CLEC16A: variants seen among roughly 807,000 people sequenced by gnomAD.
CLEC16A encodes C-type lectin domain containing 16A.
In CLEC16A, 51 loss-of-function variants were observed where a neutral mutation model predicts 109.5. The observed-to-expected ratio is 0.47, with a 90% CI of 0.37 to 0.59. CLEC16A has a LOEUF of 0.59. CLEC16A is among the 20% of genes least tolerant of loss of function. The pLI, the probability that CLEC16A is intolerant of heterozygous loss-of-function variation, is 0.00. For synonymous variants in CLEC16A, 673 were observed against 564.2 expected, an observed-to-expected ratio of 1.19 and a Z score of -2.73; for missense variants, 1,339 against 1,394.0, an observed-to-expected ratio of 0.96 and a Z score of 0.63.
chr16:11,181,048 G>C lies in CLEC16A; in HGVS notation c.*2358G>C, dbSNP rs1344337714. The C allele has an allele frequency of 6.6e-6, 1 of 152,420 alleles. No individual in the cohort carries two copies. The highest frequency in any genetic ancestry group is 2.4e-5 in the African/African-American group (1 of 41,464). 9.4% of individuals were successfully genotyped at this position (152,420 alleles called of 1,614,324 possible). On this transcript the variant is annotated 3_prime_UTR_variant, in exon 24 of 24. Coordinates refer to ENST00000409790, the MANE Select transcript of CLEC16A (RefSeq NM_015226.3). The stretch of plus-strand genomic sequence containing the variant: ...CTGGGGCTGGCAACTTGCGTCTGGG[G>C]GACACCTCCAGGTGTGTGGGGTGAG...
At chr16:11,044,111 T>C in intron 16 of CLEC16A, 39 bp downstream of exon 16, 2 of 1,566,318 alleles carry the variant, frequency 1.3e-6, no homozygotes, top group Non-Finnish European at 1.7e-6. Flanking sequence ...GCATGGTGTG[T>C]ATTGTAGAAA....
At chr16:11,139,931 G>A (rs759301923) in intron 22 of CLEC16A, among the ~76,000 whole-genome samples, 1 of 152,190 alleles carries the variant, frequency 6.6e-6, no homozygotes, top group Non-Finnish European at 1.5e-5. Context: ...CACAAAATAA[G>A]GAGATAAGTA....
chr16:11,053,624 G>C (rs1002036411), intron 18 of CLEC16A, among the ~76,000 whole-genome samples: 1 of 152,120 alleles, frequency 6.6e-6, no homozygotes, highest in African/African-American at 2.4e-5. Flanking sequence ...GCCCACCTCG[G>C]CCTCTCAAAG....
At chr16:11,091,119 G>A (rs990113927) in intron 19 of CLEC16A, among the ~76,000 whole-genome samples, 2 of 152,152 alleles carry the variant, frequency 1.3e-5, no homozygotes, top group African/African-American at 4.8e-5. Flanking sequence ...CCTTTAAAGC[G>A]CCTAATCTCC....
At chr16:10,959,880 T>A (rs2042176075) in intron 2 of CLEC16A, among the ~76,000 whole-genome samples, 1 of 151,980 alleles carries the variant, frequency 6.6e-6, no homozygotes, top group African/African-American at 2.4e-5. Flanking sequence ...CCCAACATGC[T>A]GGGATTACAG....
intron 10 of CLEC16A, among the ~76,000 whole-genome samples, chr16:10,986,731 ATGTGTGTGTGTGTG>A (rs59931468): frequency 2.0e-5 from 3 of 150,224 alleles, no homozygotes; most frequent in Admixed American, 6.6e-5. Flanking sequence ...TTAAGGCTCA[ATGTGTGTGTGTGTG>A]TGTGTGTGTG....
At chr16:11,026,344 G>A (rs2046402211) in intron 13 of CLEC16A, among the ~76,000 whole-genome samples, 1 of 152,124 alleles carries the variant, frequency 6.6e-6, no homozygotes, top group African/African-American at 2.4e-5. Flanking sequence ...GTAGGCATAG[G>A]GCTTTTTAAG....
intron 22 of CLEC16A, among the ~76,000 whole-genome samples, chr16:11,159,341 A>T (rs1013408112): frequency 6.6e-6 from 1 of 152,228 alleles, no homozygotes. Flanking sequence ...AGGGAAACAG[A>T]TGACAGATAG....
intron 11 of CLEC16A, among the ~76,000 whole-genome samples, chr16:11,013,656 G>C (rs956649188): frequency 2.6e-5 from 4 of 152,206 alleles, no homozygotes; most frequent in Non-Finnish European, 4.4e-5. Context: ...TATTCGGGGA[G>C]GCTGAGGCTG....
At chr16:11,067,094 G>A (rs1038050665) in intron 19 of CLEC16A, among the ~76,000 whole-genome samples, 4 of 151,182 alleles carry the variant, frequency 2.6e-5, no homozygotes, top group African/African-American at 9.7e-5. Context: ...AGAAACAGTA[G>A]TGGCAACTGT....
At chr16:11,144,394 G>A (rs371722390) in intron 22 of CLEC16A, among the ~76,000 whole-genome samples, 12 of 152,104 alleles carry the variant, frequency 7.9e-5, no homozygotes, top group Admixed American at 2.0e-4. Context: ...TTCATTCTCC[G>A]TCCTGTACCT....
At chr16:11,042,616 T>A (rs1436978067) in intron 15 of CLEC16A, among the ~76,000 whole-genome samples, 3 of 152,248 alleles carry the variant, frequency 2.0e-5, no homozygotes, top group Non-Finnish European at 4.4e-5. Context: ...TTTGATTCTG[T>A]ATTTGTCCTC....
chr16:10,968,450 C>T (rs2042619722), intron 3 of CLEC16A, among the ~76,000 whole-genome samples: 1 of 152,172 alleles, frequency 6.6e-6, no homozygotes, highest in Non-Finnish European at 1.5e-5. Context: ...TTCAGTTGAC[C>T]CCAGTGCCCT....
chr16:11,148,047 TAA>T (rs777177488), intron 22 of CLEC16A, among the ~76,000 whole-genome samples: 7 of 152,216 alleles, frequency 4.6e-5, no homozygotes, highest in Non-Finnish European at 7.4e-5. Context: ...AATTATGAGA[TAA>T]GTTTGCATTT....
In CLEC16A at chr16:11,166,505, G is replaced by A. The variant is rs1315757750; in HGVS notation, c.2759G>A (p.Gly920Glu). The A allele has an allele frequency of 2.5e-6, 4 of 1,609,244 alleles. No homozygotes were observed. Among genetic ancestry groups the A allele is most frequent in the East Asian group, 4.5e-5 (2 of 44,820 alleles). Residue 920 changes from glycine (G) to glutamate (E), a missense_variant, in exon 23 of 24, where the codon GGA (glycine) becomes GAA (glutamate). Physicochemically the swap from Gly to Glu is moderately conservative, Grantham distance 98 (BLOSUM62 -2). This residue lies in a region of CLEC16A where 1,061 missense variants were observed against 1,006.8 expected (regional missense o/e 1.05). Transcript: ENST00000409790. ...GSGSTSHCDS[G>E]GTSSSSTPST... Reference sequence around the variant, plus strand: ...GGGAGCACCAGCCACTGCGACTCTGGAGGCACCAGCTCGTCCTCCACCCCC... The same window carrying A: ...GGGAGCACCAGCCACTGCGACTCTGAAGGCACCAGCTCGTCCTCCACCCCC...
chr16:11,157,389 G>A (rs1446651319), intron 22 of CLEC16A, among the ~76,000 whole-genome samples: 3 of 152,192 alleles, frequency 2.0e-5, no homozygotes, highest in Non-Finnish European at 4.4e-5. Context: ...CAGTGCACAG[G>A]AAGAAAACCA....
chr16:11,043,971 C>A, intron 15 of CLEC16A, 57 bp from the exon 16 acceptor site: 1 of 1,440,058 alleles, frequency 6.9e-7, no homozygotes, highest in Non-Finnish European at 9.5e-7. Flanking sequence ...GTAGTTTGCC[C>A]GACTTGCTCA....
intron 13 of CLEC16A, among the ~76,000 whole-genome samples, chr16:11,033,217 G>A (rs1433998009): frequency 1.3e-5 from 2 of 152,132 alleles, no homozygotes; most frequent in South Asian, 4.1e-4. Flanking sequence ...TTGAGCAATG[G>A]TGGGGGTGCA....
At chr16:11,056,023 G>A (rs1411610746) in intron 18 of CLEC16A, among the ~76,000 whole-genome samples, 1 of 152,184 alleles carries the variant, frequency 6.6e-6, no homozygotes. Flanking sequence ...GACCAAAACA[G>A]CAAGGGGTCC....
Sources: gnomAD v4.1 joint callset for allele counts (sites outside exome capture counted in the v4.1 genomes callset) on GRCh38, gnomAD v4.1.1 for gene constraint, gnomAD v4.1.1 regional missense constraint, MANE v1.5 for transcripts, NCBI Gene and HGNC (gene_info 2026-07-23, HGNC 2026-07-21) for gene names.